The following SDK1 variants were observed in gnomAD, a reference collection of about 807,000 sequenced individuals.
SDK1 encodes the protein sidekick cell adhesion molecule 1.
In SDK1, 157 loss-of-function variants were observed where a neutral mutation model predicts 245.5. The observed-to-expected ratio is 0.64, with a 90% CI of 0.56 to 0.73. SDK1 has a LOEUF of 0.73. Among genes scored for constraint, SDK1 ranks in the 30% least tolerant of loss-of-function variants. The probability of loss-of-function intolerance (pLI) is 0.00; values close to 1 mark genes in which losing one functional copy is unlikely to be tolerated. For synonymous variants in SDK1, 1,647 were observed against 1,278.5 expected, an observed-to-expected ratio of 1.29 and a Z score of -6.15; for missense variants, 3,583 against 3,002.3, an observed-to-expected ratio of 1.19 and a Z score of -4.52.
intron 25 of SDK1, among the ~76,000 whole-genome samples, chr7:4,117,924 C>CT (rs1444935549): frequency 6.6e-6 from 1 of 152,136 alleles, no homozygotes; most frequent in Admixed American, 6.5e-5. Context: ...TACCTGGACT[C>CT]TGAGTAGAGA....
chr7:3,482,209 C>G (rs1451428083), intron 1 of SDK1, among the ~76,000 whole-genome samples: 1 of 152,088 alleles, frequency 6.6e-6, no homozygotes, highest in African/African-American at 2.4e-5. Context: ...CTACTAACAA[C>G]AATTAAAAAT....
chr7:4,247,891 G>A (rs1786999507), intron 44 of SDK1, among the ~76,000 whole-genome samples: 1 of 152,076 alleles, frequency 6.6e-6, no homozygotes, highest in South Asian at 2.1e-4. Flanking sequence ...CCTCCCCATT[G>A]GTCTCCTCCA....
At position 4,149,318 on chromosome 7, in the gene SDK1, A is replaced by T; in HGVS notation, c.4480A>T (p.Ser1494Cys). The change falls in exon 30 of 45, where the codon AGC (serine) becomes TGC (cysteine). Residue 1494 changes from serine (S) to cysteine (C), a missense_variant. Physicochemically the swap from Ser to Cys is moderately radical, Grantham distance 112 (BLOSUM62 -1). Transcript: ENST00000404826. Reference sequence around the variant, plus strand: ...GCCCCAGGCAGAAGTGACCGCACGCAGCCTCCGGCTCCAGTGGGTCCCGGG... The same window carrying T: ...GCCCCAGGCAGAAGTGACCGCACGCTGCCTCCGGCTCCAGTGGGTCCCGGG... Reference protein sequence around the residue: ...LVPQAEVTARSLRLQWVPGSD... With the variant: ...LVPQAEVTARCLRLQWVPGSD... 1 of 1,589,444 alleles carries T rather than the reference A, an allele frequency of 6.3e-7. No individual in the cohort carries two copies. Among genetic ancestry groups the T allele is most frequent in the Non-Finnish European group, 8.6e-7 (1 of 1,167,962 alleles).
intron 1 of SDK1, among the ~76,000 whole-genome samples, chr7:3,387,327 G>A (rs1468572046): frequency 6.6e-6 from 1 of 152,106 alleles, no homozygotes; most frequent in Non-Finnish European, 1.5e-5. Flanking sequence ...TTCCTTTAGA[G>A]ATTCCTCATC....
chr7:4,181,129 C>G (rs907502063), intron 35 of SDK1, among the ~76,000 whole-genome samples: 4 of 152,232 alleles, frequency 2.6e-5, no homozygotes, highest in Non-Finnish European at 5.9e-5. Context: ...CCTGGGCAGC[C>G]TCTCACTTAC....
intron 1 of SDK1, among the ~76,000 whole-genome samples, chr7:3,556,733 G>C (rs1424151064): frequency 4.6e-5 from 7 of 152,100 alleles, no homozygotes; most frequent in Admixed American, 1.3e-4. Flanking sequence ...GAGGCAGGAG[G>C]CAGTGAGCCA....
intron 4 of SDK1, among the ~76,000 whole-genome samples, chr7:3,716,480 T>C (rs920746348): frequency 2.0e-5 from 3 of 152,150 alleles, no homozygotes; most frequent in Admixed American, 2.0e-4. Flanking sequence ...CCACGTGTTA[T>C]CACGTGTAAT....
intron 4 of SDK1, among the ~76,000 whole-genome samples, chr7:3,684,430 T>G (rs2114987896): frequency 6.6e-6 from 1 of 152,320 alleles, no homozygotes. Context: ...AGTGCTTCCC[T>G]TTTGCCATGA....
chr7:3,724,447 A>G (rs144930284), intron 4 of SDK1, among the ~76,000 whole-genome samples: 21 of 152,220 alleles, frequency 1.4e-4, no homozygotes, highest in Admixed American at 1.4e-3. Context: ...TTGTTATTCT[A>G]TTGTACCATC....
chr7:3,958,200 A>T (rs1366614658), intron 7 of SDK1: 2 of 320,490 alleles, frequency 6.2e-6, no homozygotes, highest in African/African-American at 4.5e-5. Context: ...TGTTATCATG[A>T]TAATGAAATC....
intron 12 of SDK1, among the ~76,000 whole-genome samples, chr7:3,972,089 T>TC (rs1782533690): frequency 1.3e-5 from 2 of 150,074 alleles, no homozygotes; most frequent in African/African-American, 4.9e-5. Flanking sequence ...CTTTTTTTTT[T>TC]TTTTTTTTGA....
chr7:3,971,542 C>G lies in SDK1; in HGVS notation c.1791C>G (p.Ala597=). The G allele has an allele frequency of 2.5e-6, 4 of 1,613,162 alleles. No homozygotes were observed. Among genetic ancestry groups the G allele is most frequent in the Non-Finnish European group, 3.4e-6 (4 of 1,179,498 alleles). ...CCACGGCCACGCTGCACTGTGGTGCCACACATGACCCCCGGGTTTCACTCC... is the reference window on the plus strand; with the variant it reads ...CCACGGCCACGCTGCACTGTGGTGCGACACATGACCCCCGGGTTTCACTCC... ...KGTTATLHCG[A]THDPRVSLRY... The change falls in exon 12 of 45, where the codon GCC becomes GCG. Residue 597 remains alanine (A), a synonymous_variant. Transcript: ENST00000404826.
chr7:4,225,341 C>T (rs1785369670), intron 40 of SDK1, among the ~76,000 whole-genome samples: 1 of 152,176 alleles, frequency 6.6e-6, no homozygotes, highest in African/African-American at 2.4e-5. Context: ...GAAAAAGCCA[C>T]GGTGTCCGTC....
chr7:3,532,011 A>T (rs1401674815), intron 1 of SDK1, among the ~76,000 whole-genome samples: 1 of 152,250 alleles, frequency 6.6e-6, no homozygotes, highest in African/African-American at 2.4e-5. Context: ...TTAGTTTTCC[A>T]GGTAACTGAA....
chr7:3,748,271 G>C (rs941630181), intron 4 of SDK1, among the ~76,000 whole-genome samples: 1 of 152,148 alleles, frequency 6.6e-6, no homozygotes, highest in Non-Finnish European at 1.5e-5. Flanking sequence ...TGTGTAGCAG[G>C]ATAGAGGCTG....
chr7:3,729,065 G>A (rs761200285), intron 4 of SDK1, among the ~76,000 whole-genome samples: 1 of 152,202 alleles, frequency 6.6e-6, no homozygotes, highest in Non-Finnish European at 1.5e-5. Flanking sequence ...AATCCGGCTT[G>A]ATCATTTGCT....
At chr7:4,027,227 G>A (rs1253811959) in intron 17 of SDK1, among the ~76,000 whole-genome samples, 2 of 152,172 alleles carry the variant, frequency 1.3e-5, no homozygotes, top group Non-Finnish European at 1.5e-5. Flanking sequence ...GGTCATGGAC[G>A]ATGAAATTTC....
chr7:4,131,301 C>T (rs781425003), intron 27 of SDK1, among the ~76,000 whole-genome samples: 1 of 152,220 alleles, frequency 6.6e-6, no homozygotes, highest in Admixed American at 6.5e-5. Context: ...CCTCTGCTTT[C>T]CAGCATAATC....
At chr7:3,310,644 T>G (rs1779528075) in intron 1 of SDK1, among the ~76,000 whole-genome samples, 1 of 152,194 alleles carries the variant, frequency 6.6e-6, no homozygotes, top group African/African-American at 2.4e-5. Flanking sequence ...TTTGAATTTA[T>G]TAATGTGAGG....
Sources: allele counts gnomAD v4.1 joint callset (sites outside exome capture counted in the v4.1 genomes callset), GRCh38; gene constraint gnomAD v4.1.1; transcripts MANE v1.5; gene names NCBI Gene and HGNC (gene_info 2026-07-23, HGNC 2026-07-21).